Variants in CCDC82 observed in about 807,000 individuals in gnomAD.
CCDC82 encodes the protein coiled-coil domain containing 82.
Under a neutral mutation model 60.6 loss-of-function variants are expected in CCDC82, and 47 were observed. That is an observed-to-expected ratio of 0.77 (90% CI 0.61 to 0.99). CCDC82 has a LOEUF of 0.99. Ranked by LOEUF, CCDC82 falls within the 50% of genes least tolerant of loss-of-function variation. CCDC82 has a pLI of 0.00. For synonymous variants in CCDC82, 212 were observed against 207.4 expected, an observed-to-expected ratio of 1.02 and a Z score of -0.19; for missense variants, 588 against 633.0, an observed-to-expected ratio of 0.93 and a Z score of 0.76.
At chr11:96,364,305 T>A (rs1311648564) in intron 8 of CCDC82, 1 of 152,140 alleles carries the variant, frequency 6.6e-6, no homozygotes, top group Non-Finnish European at 1.5e-5. Flanking sequence ...CTGAATTCAT[T>A]ATCCCCATAA....
At chr11:96,358,945 A>C in intron 9 of CCDC82, 48 bp downstream of exon 9, 2 of 1,436,910 alleles carry the variant, frequency 1.4e-6, no homozygotes, top group Non-Finnish European at 1.9e-6. Flanking sequence ...GCTGATCATA[A>C]TTAGCCTTCA....
intron 5 of CCDC82, among the ~76,000 whole-genome samples, chr11:96,376,416 C>G (rs1023787527): frequency 1.3e-5 from 2 of 150,704 alleles, no homozygotes; most frequent in African/African-American, 4.9e-5. Flanking sequence ...TTTAACCTAT[C>G]AAGCCGTGCT....
At chr11:96,367,376 T>C (rs1487074937) in intron 7 of CCDC82, among the ~76,000 whole-genome samples, 3 of 152,358 alleles carry the variant, frequency 2.0e-5, no homozygotes, top group East Asian at 1.9e-4. Context: ...TTAACAACCA[T>C]ATTTTAAATC....
At chr11:96,380,871 G>A (rs1865841559) in intron 5 of CCDC82, 1 of 151,482 alleles carries the variant, frequency 6.6e-6, no homozygotes, top group African/African-American at 2.4e-5. Flanking sequence ...TGAGGACAAT[G>A]AAACTACTCT....
At position 96,353,127 on chromosome 11, in the gene CCDC82, G is replaced by C; in HGVS notation, c.*519C>G. On this transcript the variant is annotated 3_prime_UTR_variant, in exon 10 of 10. Transcript: ENST00000646818. ...AAAAAGCATTCCTCTACTTAGAATAGATATGCTATGATCTGATTCTGAAGC... is the reference window on the plus strand; with the variant it reads ...AAAAAGCATTCCTCTACTTAGAATACATATGCTATGATCTGATTCTGAAGC... The C allele has an allele frequency of 6.6e-6, 1 of 152,410 alleles. No homozygotes were observed. Among genetic ancestry groups the C allele is most frequent in the East Asian group, 1.9e-4 (1 of 5,210 alleles). The allele number at this position is 152,410 out of a possible 1,614,324, so 9.4% of individuals were successfully genotyped here.
rs1864182279 is a variant in CCDC82 at position 96,353,447 on chromosome 11, C to T, written c.*199G>A. ...TACAGACTTAAAAATTAAGATAATG[C>T]TTTTATGTACATCAGATAAAAGTTT... On this transcript the variant is annotated 3_prime_UTR_variant, in exon 10 of 10. Coordinates refer to ENST00000646818, the MANE Select transcript of CCDC82 (RefSeq NM_024725.4). 3 of 496,698 alleles carry T rather than the reference C, an allele frequency of 6.0e-6. No homozygotes were observed. The highest frequency in any genetic ancestry group is 1.1e-5 in the Non-Finnish European group (3 of 281,888). The allele number at this position is 496,698 out of a possible 1,614,324, so 30.8% of individuals were successfully genotyped here. A position where few individuals can be genotyped will look rare whatever the true frequency, so the allele number is the denominator to read the frequency against.
At chr11:96,358,599 T>C (rs1388655306) in intron 9 of CCDC82, 1 of 1,234,178 alleles carries the variant, frequency 8.1e-7, no homozygotes, top group Non-Finnish European at 1.0e-6. Context: ...GCTTCTTCAC[T>C]CTCAGGTCAC....
chr11:96,358,856 C>T (rs190998988), intron 9 of CCDC82, 137 bp downstream of exon 9: 22 of 881,318 alleles, frequency 2.5e-5, no homozygotes, highest in African/African-American at 6.9e-5. Context: ...AAGGAATGAG[C>T]GGAAGAAGAG....
In CCDC82 at chr11:96,383,567, A is replaced by G. The variant is rs878959366; in HGVS notation, c.787-94T>C. 27 of 786,466 alleles carry G rather than the reference A, an allele frequency of 3.4e-5. No individual in the cohort carries two copies. The South Asian group carries it at 5.1e-4, about 15-fold the overall frequency. 48.7% of individuals were successfully genotyped at this position (786,466 alleles called of 1,614,324 possible). ...AAACATTAAATCTGACAGCAAAAAA[A>G]TGATCCATAGTAATTAACTTCATAT... On this transcript the variant is annotated intron_variant, in intron 4 of 9. Transcript: ENST00000646818.
chr11:96,365,096 A>C lies in CCDC82; in HGVS notation c.1264T>G (p.Cys422Gly). The change falls in exon 8 of 10, where the codon TGT becomes GGT. Residue 422 changes from cysteine to glycine, a missense_variant. Transcript: ENST00000646818. ...VSIHLKNPEN[C>G]SCQACGLHRY... ...TGCAGTCCACAAGCCTGGCAGGAAC[A>C]GTTTTCAGGATTCTTCAAATGAATA... 6.2e-7 allele frequency: 1 copy of C among 1,605,700 alleles called. No homozygotes were observed. The highest frequency in any genetic ancestry group is 8.5e-7 in the Non-Finnish European group (1 of 1,175,808).
In CCDC82 at chr11:96,386,887, T is replaced by C. The variant is rs1252954641; in HGVS notation, c.-54-594A>G. 3.9e-5 allele frequency: 6 copies of C among 152,328 alleles called. No individual in the cohort carries two copies. The East Asian group carries it at 7.7e-4, about 20-fold the overall frequency. 9.4% of individuals were successfully genotyped at this position (152,328 alleles called of 1,614,324 possible). A position where few individuals can be genotyped will look rare whatever the true frequency, so the allele number is the denominator to read the frequency against. The stretch of plus-strand genomic sequence containing the variant: ...AAAAAATCTCTATATTAAAGTATGG[T>C]TTTGTGTACACTATACTGCGTTACA... On this transcript the variant is annotated intron_variant, in intron 2 of 9. Transcript: ENST00000646818.
chr11:96,384,849 T>C, intron 3 of CCDC82, 88 bp from the exon 4 acceptor site: 1 of 818,010 alleles, frequency 1.2e-6, no homozygotes, highest in Non-Finnish European at 1.8e-6. Flanking sequence ...TTTATTTGGC[T>C]TTATTTAATG....
rs753848269 is a variant in CCDC82 at position 96,365,141 on chromosome 11, C to T, written c.1219G>A (p.Glu407Lys). ...TGAATACTTACATTAGAATAATTTT[C>T]TACTCGCTCCTGAAAACAAAAAATA... ...RWKEQYKERV[E>K]NYSNVSIHLK... The change falls in exon 8 of 10, where the codon GAA becomes AAA. Residue 407 changes from glutamate to lysine, a missense_variant. Glu to Lys is a moderately conservative substitution (Grantham distance 56, BLOSUM62 1). Transcript: ENST00000646818. The T allele has an allele frequency of 6.4e-6, 10 of 1,551,300 alleles. No homozygotes were observed. The highest frequency in any genetic ancestry group is 1.7e-4 in the Middle Eastern group (1 of 5,826).
At chr11:96,373,609 G>C in intron 5 of CCDC82, 142 bp from the exon 6 acceptor site, 1 of 511,852 alleles carries the variant, frequency 2.0e-6, no homozygotes, top group Non-Finnish European at 3.5e-6. Flanking sequence ...TAGCTTCCTC[G>C]ATGACTTGTT....
chr11:96,384,793 T>C (rs748424258), intron 3 of CCDC82, 32 bp from the exon 4 acceptor site: 47 of 1,366,420 alleles, frequency 3.4e-5, no homozygotes, highest in Non-Finnish European at 4.4e-5. Context: ...AATATAACAG[T>C]GATAACCAGA....
chr11:96,372,752 TTA>T (rs927053961), intron 6 of CCDC82, among the ~76,000 whole-genome samples: 3 of 145,634 alleles, frequency 2.1e-5, no homozygotes, highest in Non-Finnish European at 4.5e-5. Flanking sequence ...ATACGTATAT[TTA>T]TATATATATT....
At chr11:96,355,317 C>T (rs1864290173) in intron 9 of CCDC82, 1 of 152,144 alleles carries the variant, frequency 6.6e-6, no homozygotes, top group Admixed American at 6.5e-5. Flanking sequence ...ACCTCAGCCT[C>T]CCAAGTAGCT....
chr11:96,383,616 T>G (rs1866001369), intron 4 of CCDC82, 143 bp from the exon 5 acceptor site: 1 of 575,402 alleles, frequency 1.7e-6, no homozygotes, highest in South Asian at 3.1e-5. Context: ...ATAAATAATT[T>G]TGTCATATTA....
intron 4 of CCDC82, 105 bp downstream of exon 4, chr11:96,383,857 T>C (rs984539044): frequency 8.8e-6 from 9 of 1,017,720 alleles, no homozygotes; most frequent in Admixed American, 8.4e-5. Flanking sequence ...AAATAAATTC[T>C]AGAATTATTG....
Sources: gnomAD v4.1 joint callset for allele counts (sites outside exome capture counted in the v4.1 genomes callset) on GRCh38, gnomAD v4.1.1 for gene constraint, MANE v1.5 for transcripts, NCBI Gene and HGNC (gene_info 2026-07-23, HGNC 2026-07-21) for gene names.